The following ATP1B4 variants were observed in gnomAD, a reference collection of about 807,000 sequenced individuals.
ATP1B4 encodes the protein ATPase Na+/K+ transporting family member beta 4.
In ATP1B4, 32 loss-of-function variants were observed where a neutral mutation model predicts 29.6. The ratio of observed to expected loss-of-function variants is 1.08; its 90% confidence interval spans 0.82 to 1.45. ATP1B4 has a LOEUF of 1.45. Ranked by LOEUF, ATP1B4 falls within the 40% of genes most tolerant of loss-of-function variation. The pLI, the probability that ATP1B4 is intolerant of heterozygous loss-of-function variation, is 0.00. For synonymous variants in ATP1B4, 127 were observed against 102.1 expected, an observed-to-expected ratio of 1.24 and a Z score of -1.47; for missense variants, 323 against 276.2, an observed-to-expected ratio of 1.17 and a Z score of -1.20.
At position 120,382,295 on chromosome X, in the gene ATP1B4, A is replaced by T. The variant is rs189375954; in HGVS notation, c.*2661A>T. ...AGGATCTTCTATAGTAGGTTAATGG[A>T]AAATACAAAAACAAACAAACATACA... is the stretch of plus-strand genomic sequence containing the variant. On this transcript the variant is annotated 3_prime_UTR_variant, in exon 8 of 8. Coordinates refer to ENST00000218008, the MANE Select transcript of ATP1B4 (RefSeq NM_001142447.3). 8.9e-6 allele frequency: 1 copy of T among 112,087 alleles called. No homozygotes were observed. The highest frequency in any genetic ancestry group is 3.2e-5 in the African/African-American group (1 of 30,864). The allele number at this position is 112,087 out of a possible 1,213,427, so 9.2% of individuals were successfully genotyped here. A position where few individuals can be genotyped will look rare whatever the true frequency, so the allele number is the denominator to read the frequency against.
intron 6 of ATP1B4, among the ~76,000 whole-genome samples, chrX:120,378,392 T>A (rs1179365354): frequency 1.8e-5 from 2 of 111,670 alleles, no homozygotes; most frequent in East Asian, 5.7e-4. Context: ...TCTGTCTGGG[T>A]ACCCCAGAAG....
chrX:120,377,539 G>A (rs371804041), intron 6 of ATP1B4, among the ~76,000 whole-genome samples: 21 of 112,199 alleles, frequency 1.9e-4, no homozygotes, highest in African/African-American at 5.5e-4. Context: ...TGTATTAAAA[G>A]TAAATCATAA....
chrX:120,378,579 G>A (rs910927750), intron 6 of ATP1B4, 99 bp from the exon 7 acceptor site: 1 of 706,709 alleles, frequency 1.4e-6, no homozygotes, highest in Non-Finnish European at 2.3e-6. Flanking sequence ...AGTTGGTTAT[G>A]GTTCACACAG....
intron 3 of ATP1B4, 86 bp downstream of exon 3, chrX:120,370,929 G>T (rs1009732865): frequency 9.0e-7 from 1 of 1,111,532 alleles, no homozygotes. Flanking sequence ...ATTAACTTTG[G>T]CTCTTCCTGG....
Position 120,370,769 on chromosome X carries a change from C to A in ATP1B4, c.383C>A (p.Thr128Asn). ...FFYASLAAVI[T>N]LCMYTLFLTI... ...TATGCCTCCTTGGCTGCTGTGATCA[C>A]CCTCTGCATGTACACACTATTTCTG... Residue 128 changes from threonine (T) to asparagine (N), a missense_variant, in exon 3 of 8, where the codon ACC becomes AAC. Thr to Asn is a moderately conservative substitution (Grantham distance 65). Transcript: ENST00000218008. 8.3e-7 allele frequency: 1 copy of A among 1,210,984 alleles called. No homozygotes were observed. Among genetic ancestry groups the A allele is most frequent in the Non-Finnish European group, 1.1e-6 (1 of 894,936 alleles).
At position 120,380,666 on chromosome X, in the gene ATP1B4, T is replaced by C. The variant is rs1171350040; in HGVS notation, c.*1032T>C. 2 of 112,238 alleles carry C rather than the reference T, an allele frequency of 1.8e-5. No individual in the cohort carries two copies. Among genetic ancestry groups the C allele is most frequent in the African/African-American group, 6.5e-5 (2 of 30,882 alleles). The allele number at this position is 112,238 out of a possible 1,213,427, so 9.2% of individuals were successfully genotyped here. On this transcript the variant is annotated 3_prime_UTR_variant, in exon 8 of 8. Transcript: ENST00000218008. ...ATTTGTTTGACAGTAGCATGATGTT[T>C]TTTGAGACCATCAGGGGTGGTTACA... is the stretch of plus-strand genomic sequence containing the variant.
At position 120,362,145 on chromosome X, in the gene ATP1B4, T is replaced by C. The variant is rs1472551447; in HGVS notation, c.-24T>C. The C allele has an allele frequency of 1.7e-6, 2 of 1,201,702 alleles. No homozygotes were observed. The highest frequency in any genetic ancestry group is 2.3e-6 in the Non-Finnish European group (2 of 886,724). On this transcript the variant is annotated 5_prime_UTR_variant, in exon 1 of 8. Coordinates refer to ENST00000218008, the MANE Select transcript of ATP1B4 (RefSeq NM_001142447.3). ...CTCTCACCCGATTGCCTGCCTCTGC[T>C]GCGTCTTTGCCCACTGAACAGCCAT...
chrX:120,367,587 C>T (rs2058292475), intron 2 of ATP1B4, among the ~76,000 whole-genome samples: 1 of 111,363 alleles, frequency 9.0e-6, no homozygotes, highest in Non-Finnish European at 1.9e-5. Flanking sequence ...TTGCCACAGT[C>T]TCTGCACAGC....
At chrX:120,377,755 A>C (rs1402159741) in intron 6 of ATP1B4, among the ~76,000 whole-genome samples, 2 of 111,844 alleles carry the variant, frequency 1.8e-5, no homozygotes, top group Admixed American at 1.9e-4. Context: ...ATCTCTATAC[A>C]TTCTATAATA....
intron 4 of ATP1B4, among the ~76,000 whole-genome samples, chrX:120,372,669 T>A (rs12398127): frequency 2.7e-5 from 3 of 112,368 alleles, no homozygotes; most frequent in South Asian, 3.7e-4. Flanking sequence ...TCTGCATTTT[T>A]AAAAAATCCA....
chrX:120,364,687 C>T (rs989034544), intron 1 of ATP1B4, among the ~76,000 whole-genome samples: 15 of 112,239 alleles, frequency 1.3e-4, no homozygotes, highest in Non-Finnish European at 3.8e-5. Context: ...TGTCAGTCAG[C>T]CATCCTTGAT....
intron 1 of ATP1B4, 87 bp downstream of exon 1, chrX:120,362,318 C>T (rs1039291505): frequency 2.0e-5 from 18 of 886,840 alleles, no homozygotes; most frequent in African/African-American, 1.2e-4. Context: ...CCTTGGTTTA[C>T]GGCTGCCTCT....
intron 5 of ATP1B4, 75 bp from the exon 6 acceptor site, chrX:120,376,305 G>C: frequency 2.0e-6 from 2 of 1,010,272 alleles, no homozygotes; most frequent in Non-Finnish European, 2.8e-6. Flanking sequence ...TGGGAGGAAG[G>C]TTAGAAAAGC....
At position 120,370,588 on chromosome X, in the gene ATP1B4, A is replaced by G. The variant is rs924462062; in HGVS notation, c.329-127A>G. 45 of 825,289 alleles carry G rather than the reference A, an allele frequency of 5.5e-5. No individual in the cohort carries two copies. The South Asian group carries it at 1.1e-3, about 20-fold the overall frequency. 68.0% of individuals were successfully genotyped at this position (825,289 alleles called of 1,213,427 possible). A position where few individuals can be genotyped will look rare whatever the true frequency, so the allele number is the denominator to read the frequency against. On this transcript the variant is annotated intron_variant, in intron 2 of 7. Coordinates refer to ENST00000218008, the MANE Select transcript of ATP1B4 (RefSeq NM_001142447.3). ...TGGTGAAATCTGAATAAGCAAGGAC[A>G]TACTGAATCTGAGGAATTTTTTAAA...
At chrX:120,370,614 G>A in intron 2 of ATP1B4, 101 bp from the exon 3 acceptor site, 1 of 1,011,161 alleles carries the variant, frequency 9.9e-7, no homozygotes, top group East Asian at 3.1e-5. Context: ...ATTTTTTAAA[G>A]AGCTATTTCG....
At chrX:120,372,440 G>A (rs1043101034) in intron 4 of ATP1B4, among the ~76,000 whole-genome samples, 2 of 111,928 alleles carry the variant, frequency 1.8e-5, no homozygotes, top group Non-Finnish European at 3.8e-5. Flanking sequence ...TAATAAAGTT[G>A]ATCACGCTCA....
chrX:120,374,085 G>C (rs564027283), intron 4 of ATP1B4, among the ~76,000 whole-genome samples: 1 of 111,323 alleles, frequency 9.0e-6, no homozygotes, highest in African/African-American at 3.3e-5. Flanking sequence ...CAAGACAGGG[G>C]TATTGCAATA....
chrX:120,362,248 A>G lies in ATP1B4; in HGVS notation c.63+17A>G. On this transcript the variant is annotated intron_variant, in intron 1 of 7. Coordinates refer to ENST00000218008, the MANE Select transcript of ATP1B4 (RefSeq NM_001142447.3). ...TACAGACTCGTGAGTGCCAGAGAGC[A>G]GAATATTTTGCTGCCCCCTCCCCTT... 8.3e-7 allele frequency: 1 copy of G among 1,202,628 alleles called. No individual in the cohort carries two copies. The highest frequency in any genetic ancestry group is 1.1e-6 in the Non-Finnish European group (1 of 887,359).
Position 120,362,215 on chromosome X carries a change from G to T in ATP1B4, c.47G>T (p.Ser16Ile), listed in dbSNP as rs1361875510. Reference protein sequence around the residue: ...RSRRAPSFPYSYRYRLDDPDE... With the variant: ...RSRRAPSFPYIYRYRLDDPDE... ...AGAAGGGCTCCATCCTTTCCTTACA[G>T]TTATCGCTACAGACTCGTGAGTGCC... The change falls in exon 1 of 8, where the codon AGT becomes ATT. Residue 16 changes from serine to isoleucine, a missense_variant. Transcript: ENST00000218008. The T allele has an allele frequency of 8.3e-7, 1 of 1,209,169 alleles. No individual in the cohort carries two copies. Among genetic ancestry groups the T allele is most frequent in the African/African-American group, 1.8e-5 (1 of 57,003 alleles).
Sources: gnomAD v4.1 joint callset for allele counts (sites outside exome capture counted in the v4.1 genomes callset) on GRCh38, gnomAD v4.1.1 for gene constraint, MANE v1.5 for transcripts, NCBI Gene and HGNC (gene_info 2026-07-23, HGNC 2026-07-21) for gene names.